The following ALG5 variants were observed in gnomAD, a reference collection of about 807,000 sequenced individuals.
ALG5 encodes ALG5 dolichyl-phosphate beta-glucosyltransferase, also known as dolichyl-phosphate beta-glucosyltransferase.
ALG5 carries 26 observed loss-of-function variants against 51.8 expected under a neutral mutation model. The ratio of observed to expected loss-of-function variants is 0.50; its 90% confidence interval spans 0.37 to 0.70. The LOEUF (loss-of-function observed/expected upper bound fraction) is 0.70, where lower values mean the gene tolerates loss of function less well. ALG5 is among the 30% of genes least tolerant of loss of function. ALG5 has a pLI of 0.00. For synonymous variants in ALG5, 141 were observed against 136.1 expected, an observed-to-expected ratio of 1.04 and a Z score of -0.25; for missense variants, 311 against 399.3, an observed-to-expected ratio of 0.78 and a Z score of 1.88.
intron 8 of ALG5, among the ~76,000 whole-genome samples, chr13:36,957,628 CTG>C (rs1359597645): frequency 6.6e-6 from 1 of 152,156 alleles, no homozygotes; most frequent in Non-Finnish European, 1.5e-5. Context: ...ATGGCCTGCT[CTG>C]TTGCCTACAG....
intron 4 of ALG5, among the ~76,000 whole-genome samples, chr13:36,993,169 A>ACCC (rs2059033050): frequency 6.6e-6 from 1 of 152,204 alleles, no homozygotes; most frequent in Non-Finnish European, 1.5e-5. Flanking sequence ...TGCAGCACTT[A>ACCC]CCCTTCCTAA....
chr13:36,976,734 C>T lies in ALG5; in HGVS notation c.562-4698G>A, dbSNP rs551316150. Among the ~76,000 whole-genome samples, 831 of 135,336 alleles carry T rather than the reference C, an allele frequency of 6.1e-3. 7 individuals carry two copies. Among genetic ancestry groups the T allele is most frequent in the African/African-American group, 0.022 (772 of 35,118 alleles). The allele number at this position is 135,336 out of a possible 152,430, so 88.8% of individuals were successfully genotyped here. Reference sequence around the variant, plus strand: ...CTGCACTCCAGCCTGGGCAACAGACCGAGACTCTGTCTCAGGAAAAAAAAA... The same window carrying T: ...CTGCACTCCAGCCTGGGCAACAGACTGAGACTCTGTCTCAGGAAAAAAAAA... On this transcript the variant is annotated intron_variant, in intron 6 of 9. Coordinates refer to ENST00000239891, the MANE Select transcript of ALG5 (RefSeq NM_013338.5).
intron 9 of ALG5, among the ~76,000 whole-genome samples, chr13:36,951,992 G>A (rs1221995885): frequency 6.6e-6 from 1 of 152,082 alleles, no homozygotes; most frequent in African/African-American, 2.4e-5. Flanking sequence ...TCACCCTGTT[G>A]GCCAGACTGG....
At chr13:36,981,742 A>G (rs1164862923) in intron 6 of ALG5, among the ~76,000 whole-genome samples, 1 of 152,230 alleles carries the variant, frequency 6.6e-6, no homozygotes, top group Non-Finnish European at 1.5e-5. Context: ...CCACACGAAC[A>G]GACACATCTT....
At chr13:36,965,941 T>C (rs1434906497) in intron 7 of ALG5, among the ~76,000 whole-genome samples, 1 of 152,162 alleles carries the variant, frequency 6.6e-6, no homozygotes, top group South Asian at 2.1e-4. Flanking sequence ...TAGGAAGCAG[T>C]TACTCATTTC....
intron 8 of ALG5, among the ~76,000 whole-genome samples, chr13:36,953,518 T>C (rs2058827002): frequency 6.6e-6 from 1 of 152,228 alleles, no homozygotes; most frequent in Admixed American, 6.5e-5. Context: ...TCATTGAAAC[T>C]GTCTAAAGTC....
At chr13:36,995,703 ACT>A (rs1489435514) in intron 1 of ALG5, 107 bp from the exon 2 acceptor site, 3 of 1,078,826 alleles carry the variant, frequency 2.8e-6, no homozygotes, top group East Asian at 2.6e-5. Flanking sequence ...TTGAATACTC[ACT>A]CTCAGGTTTT....
At chr13:36,978,206 G>A (rs898557856) in intron 6 of ALG5, among the ~76,000 whole-genome samples, 14 of 49,358 alleles carry the variant, frequency 2.8e-4, no homozygotes, top group Admixed American at 2.7e-3. Context: ...TTTTTTTTTT[G>A]AGACGGAATC....
At chr13:36,961,265 A>G (rs922185363) in intron 8 of ALG5, among the ~76,000 whole-genome samples, 1 of 152,014 alleles carries the variant, frequency 6.6e-6, no homozygotes, top group Non-Finnish European at 1.5e-5. Context: ...AAATACACAA[A>G]TTAGCTGGGC....
intron 3 of ALG5, 56 bp from the exon 4 acceptor site, chr13:36,993,728 T>A: frequency 7.2e-7 from 1 of 1,388,864 alleles, no homozygotes; most frequent in Non-Finnish European, 1.0e-6. Context: ...TAAAGTATTC[T>A]AATCAAATCA....
intron 6 of ALG5, among the ~76,000 whole-genome samples, chr13:36,984,133 T>C (rs1206829528): frequency 2.0e-5 from 3 of 151,848 alleles, no homozygotes; most frequent in South Asian, 4.2e-4. Context: ...GGCTCTTGCT[T>C]TGTCACTGAG....
At chr13:36,976,425 C>CAAAAAA (rs57192095) in intron 6 of ALG5, among the ~76,000 whole-genome samples, 109 of 36,426 alleles carry the variant, frequency 3.0e-3, no homozygotes, top group South Asian at 5.2e-3. Context: ...GACTCTGTCT[C>CAAAAAA]AAAAAAAAAA....
intron 6 of ALG5, among the ~76,000 whole-genome samples, chr13:36,977,962 T>C (rs1378378858): frequency 6.7e-6 from 1 of 148,820 alleles, no homozygotes; most frequent in South Asian, 2.2e-4. Flanking sequence ...TCTCGGCTCA[T>C]TGCAACAACC....
At chr13:36,959,030 G>C (rs981579657) in intron 8 of ALG5, among the ~76,000 whole-genome samples, 1 of 151,728 alleles carries the variant, frequency 6.6e-6, no homozygotes, top group African/African-American at 2.4e-5. Context: ...CCTTAAAAAA[G>C]AAATTCTGTC....
chr13:36,955,287 C>T (rs141351023), intron 8 of ALG5, among the ~76,000 whole-genome samples: 290 of 152,230 alleles, frequency 1.9e-3, no homozygotes, highest in African/African-American at 6.2e-3. Context: ...AGAGGCTCTG[C>T]GCATGGACAC....
At chr13:36,982,356 A>T (rs774329052) in intron 6 of ALG5, among the ~76,000 whole-genome samples, 4 of 152,226 alleles carry the variant, frequency 2.6e-5, no homozygotes, top group Non-Finnish European at 5.9e-5. Flanking sequence ...TATGCAGTAG[A>T]GGCTGAAAGA....
intron 8 of ALG5, among the ~76,000 whole-genome samples, chr13:36,959,347 T>G (rs757258440): frequency 2.6e-5 from 4 of 152,142 alleles, no homozygotes; most frequent in Non-Finnish European, 4.4e-5. Flanking sequence ...GCTAAGATAG[T>G]AAATTTCAAA....
At chr13:36,987,674 A>G (rs1209080959) in intron 5 of ALG5, among the ~76,000 whole-genome samples, 1 of 152,066 alleles carries the variant, frequency 6.6e-6, no homozygotes, top group Admixed American at 6.5e-5. Context: ...TTTTCTTTAT[A>G]TGTTATCCAG....
intron 5 of ALG5, among the ~76,000 whole-genome samples, chr13:36,986,421 T>A (rs2059002129): frequency 6.6e-6 from 1 of 152,222 alleles, no homozygotes; most frequent in South Asian, 2.1e-4. Flanking sequence ...CAACTTTTAA[T>A]TTCTCTGATG....
Sources: gnomAD v4.1 joint callset for allele counts (sites outside exome capture counted in the v4.1 genomes callset) on GRCh38, gnomAD v4.1.1 for gene constraint, MANE v1.5 for transcripts, NCBI Gene and HGNC (gene_info 2026-07-23, HGNC 2026-07-21) for gene names.